Variants in ARHGEF10L observed in about 807,000 individuals in gnomAD.
ARHGEF10L encodes the protein rho guanine nucleotide exchange factor 10-like protein.
A neutral mutation model predicts 141.2 loss-of-function variants in ARHGEF10L; 69 were observed. The observed-to-expected ratio is 0.49, with a 90% CI of 0.40 to 0.60. The LOEUF is 0.60. Among genes scored for constraint, ARHGEF10L ranks in the 20% least tolerant of loss-of-function variants. The probability of loss-of-function intolerance (pLI) is 0.00; values close to 1 mark genes in which losing one functional copy is unlikely to be tolerated. For missense variants in ARHGEF10L, 1,482 were observed against 1,734.3 expected (o/e 0.85, Z 2.58); for synonymous variants, 711 against 718.5 (o/e 0.99, Z 0.17).
chr1:17,514,720 TTTTGTGTC>T, the ARHGEF10L span, among the ~76,000 whole-genome samples: 1 of 152,212 alleles, frequency 6.6e-6, no homozygotes, highest in Non-Finnish European at 1.5e-5. Context: ...TACCTATATC[TTTTGTGTC>T]TTCTGGCTTA....
In ARHGEF10L at chr1:17,656,525, A is replaced by G; in HGVS notation, c.2706-29A>G. 1 of 1,597,864 alleles carries G rather than the reference A, an allele frequency of 6.3e-7. No homozygotes were observed. The highest frequency in any genetic ancestry group is 8.6e-7 in the Non-Finnish European group (1 of 1,169,322). On this transcript the variant is annotated intron_variant, in intron 24 of 28. Coordinates refer to ENST00000361221, the MANE Select transcript of ARHGEF10L (RefSeq NM_018125.4). This position sits in a 1 kb window ranked among gnomAD's most constrained non-coding sequence, Gnocchi z 4.9. ...AGTGGGTGGGAGTGCTCAGTGTGTCATGACCGCTTCTCCAACCTCTCCCCG... is the reference window on the plus strand; with the variant it reads ...AGTGGGTGGGAGTGCTCAGTGTGTCGTGACCGCTTCTCCAACCTCTCCCCG...
At position 17,619,297 on chromosome 1, in the gene ARHGEF10L, G is replaced by C. The variant is rs776890436; in HGVS notation, c.836-42G>C. 11 of 1,566,666 alleles carry C rather than the reference G, an allele frequency of 7.0e-6. No homozygotes were observed. In the African/African-American group the frequency reaches 1.3e-4, roughly 19 times the overall value. ...TCCTGAGGCCTGAGCAGGGTGTGCT[G>C]TCCCTGCCTTAGCTGTGTCATCGGC... is the stretch of plus-strand genomic sequence containing the variant. On this transcript the variant is annotated intron_variant, in intron 9 of 28. Transcript: ENST00000361221. This position sits in a 1 kb window ranked among gnomAD's most constrained non-coding sequence, Gnocchi z 5.0.
chr1:17,642,467 A>G (rs1359538410), intron 21 of ARHGEF10L, among the ~76,000 whole-genome samples: 1 of 152,226 alleles, frequency 6.6e-6, no homozygotes, highest in East Asian at 1.9e-4. Context: ...GCTGTGCATT[A>G]TAGCATTGAG....
chr1:17,603,612 C>T lies in ARHGEF10L; in HGVS notation c.433+21C>T, dbSNP rs778823210. 3 of 1,591,790 alleles carry T rather than the reference C, an allele frequency of 1.9e-6. No individual in the cohort carries two copies. The highest frequency in any genetic ancestry group is 3.4e-5 in the Admixed American group (2 of 58,082). Reference sequence around the variant, plus strand: ...GCCCGGTATGATGTCTGCAGTGCTTCCCTGTTTCTCTTGGGGACAGGGGAG... The same window carrying T: ...GCCCGGTATGATGTCTGCAGTGCTTTCCTGTTTCTCTTGGGGACAGGGGAG... On this transcript the variant is annotated intron_variant, in intron 6 of 28. Coordinates refer to ENST00000361221, the MANE Select transcript of ARHGEF10L (RefSeq NM_018125.4). The surrounding 1 kb of genome is among the most constrained non-coding windows in gnomAD (Gnocchi z 4.8).
At chr1:17,597,340 C>CGGCAGG (rs1216366746) in intron 4 of ARHGEF10L, among the ~76,000 whole-genome samples, 1 of 152,108 alleles carries the variant, frequency 6.6e-6, no homozygotes, top group African/African-American at 2.4e-5. Context: ...GAATTAGACA[C>CGGCAGG]GGCAGCCCTG....
chr1:17,680,911 G>A (rs1304093883), intron 26 of ARHGEF10L, among the ~76,000 whole-genome samples: 2 of 151,964 alleles, frequency 1.3e-5, no homozygotes, highest in South Asian at 4.2e-4. Context: ...AGCCTCCCAA[G>A]TAGCTGGGAT....
the ARHGEF10L span, among the ~76,000 whole-genome samples, chr1:17,524,813 C>T: frequency 3.9e-5 from 6 of 152,246 alleles, no homozygotes; most frequent in African/African-American, 1.4e-4. Flanking sequence ...GGTACTCAGG[C>T]GAGAAGCAGT....
At position 17,627,840 on chromosome 1, in the gene ARHGEF10L, TCA is replaced by T. The variant is rs2060469058; in HGVS notation, c.1584+338_1584+339del. Among the ~76,000 whole-genome samples the T allele has an allele frequency of 6.6e-6, 1 of 152,128 alleles. No individual in the cohort carries two copies. Among genetic ancestry groups the T allele is most frequent in the African/African-American group, 2.4e-5 (1 of 41,416 alleles). ...TGCCATAGGTGCTTGCTGTGTGCCC[TCA>T]AGGGAATCACCCACCCTCTCTGAAC... On this transcript the variant is annotated intron_variant, in intron 15 of 28. Coordinates refer to ENST00000361221, the MANE Select transcript of ARHGEF10L (RefSeq NM_018125.4). This position sits in a 1 kb window ranked among gnomAD's most constrained non-coding sequence, Gnocchi z 4.0.
At chr1:17,678,506 G>T (rs899878568) in intron 26 of ARHGEF10L, among the ~76,000 whole-genome samples, 14 of 145,548 alleles carry the variant, frequency 9.6e-5, no homozygotes, top group African/African-American at 3.6e-4. Context: ...TGCAACATCT[G>T]CCTCCCAGGT....
chr1:17,622,890 C>G (rs976802813), intron 11 of ARHGEF10L, 106 bp from the exon 12 acceptor site: 1 of 1,219,072 alleles, frequency 8.2e-7, no homozygotes, highest in African/African-American at 1.5e-5. Flanking sequence ...TGCCTCCCCT[C>G]CGTGCCACGG....
At chr1:17,608,225 G>T (rs1338166823) in intron 7 of ARHGEF10L, among the ~76,000 whole-genome samples, 1 of 152,234 alleles carries the variant, frequency 6.6e-6, no homozygotes, top group Non-Finnish European at 1.5e-5. Flanking sequence ...TGGCACAGGT[G>T]CTCCCCCCAC....
At chr1:17,651,007 A>G (rs974977559) in intron 22 of ARHGEF10L, among the ~76,000 whole-genome samples, 1 of 152,240 alleles carries the variant, frequency 6.6e-6, no homozygotes, top group Non-Finnish European at 1.5e-5. Flanking sequence ...ATAAAGGGCC[A>G]GGATTAGGGT....
At chr1:17,672,223 TTTTCATGTTTAGTGCCTAAAC>T (rs1167183219) in intron 26 of ARHGEF10L, among the ~76,000 whole-genome samples, 2 of 125,236 alleles carry the variant, frequency 1.6e-5, no homozygotes, top group African/African-American at 6.1e-5. Flanking sequence ...CCACCCTTAA[TTTTCATGTTTAGTGCCTAAAC>T]TTAGTTTGCA....
intron 1 of ARHGEF10L, among the ~76,000 whole-genome samples, chr1:17,565,513 G>T (rs905758329): frequency 6.6e-6 from 1 of 152,174 alleles, no homozygotes; most frequent in Non-Finnish European, 1.5e-5. Context: ...CTGAATCTAG[G>T]CTCAAGTCTG....
rs2060888573 is a variant in ARHGEF10L at position 17,634,575 on chromosome 1, G to GGGGGCTCC, written c.1745+21_1745+28dup. The GGGGGCTCC allele has an allele frequency of 6.2e-7, 1 of 1,613,580 alleles. No homozygotes were observed. Among genetic ancestry groups the GGGGGCTCC allele is most frequent in the Non-Finnish European group, 8.5e-7 (1 of 1,179,738 alleles). On this transcript the variant is annotated intron_variant, in intron 17 of 28. Transcript: ENST00000361221. ...CTGCCAACCACAGGTACGTGGTTCA[G>GGGGGCTCC]GGGGCTCCGGGGCTCTGGGGCTCTG...
At chr1:17,522,791 C>T in the ARHGEF10L span, among the ~76,000 whole-genome samples, 3 of 152,188 alleles carry the variant, frequency 2.0e-5, no homozygotes, top group East Asian at 1.9e-4. Flanking sequence ...TCACATCCCT[C>T]CCCCCTGGAA....
intron 26 of ARHGEF10L, among the ~76,000 whole-genome samples, chr1:17,679,029 G>A (rs2102391281): frequency 6.6e-6 from 1 of 152,348 alleles, no homozygotes; most frequent in African/African-American, 2.4e-5. Context: ...GATTGTTAAA[G>A]GAAATTTGGG....
At chr1:17,570,833 T>C (rs1431186726) in intron 1 of ARHGEF10L, among the ~76,000 whole-genome samples, 1 of 150,414 alleles carries the variant, frequency 6.6e-6, no homozygotes, top group African/African-American at 2.5e-5. Flanking sequence ...GCAGGTTTGC[T>C]GAAGGGTGGG....
intron 22 of ARHGEF10L, among the ~76,000 whole-genome samples, chr1:17,652,520 C>T (rs1003274983): frequency 6.6e-6 from 1 of 152,138 alleles, no homozygotes; most frequent in African/African-American, 2.4e-5. Context: ...GCATGGGGTG[C>T]GCTCAGGGGT....
Sources: gnomAD v4.1 joint callset for allele counts (sites outside exome capture counted in the v4.1 genomes callset) on GRCh38, gnomAD v4.1.1 for gene constraint, Gnocchi (gnomAD v3.1) non-coding constraint, MANE v1.5 for transcripts, NCBI Gene and HGNC (gene_info 2026-07-23, HGNC 2026-07-21) for gene names.